Variants in SMC5 observed in about 807,000 individuals in gnomAD.
SMC5 encodes structural maintenance of chromosomes 5, also known as structural maintenance of chromosomes protein 5.
A neutral mutation model predicts 148.3 loss-of-function variants in SMC5; 88 were observed. That is an observed-to-expected ratio of 0.59 (90% CI 0.50 to 0.71). The LOEUF (loss-of-function observed/expected upper bound fraction) is 0.71, where lower values mean the gene tolerates loss of function less well. Ranked by LOEUF, SMC5 falls within the 30% of genes least tolerant of loss-of-function variation. The pLI is 0.00. For missense variants in SMC5, 1,142 were observed against 1,298.9 expected, an observed-to-expected ratio of 0.88 and a Z score of 1.86; for synonymous variants, 421 against 432.8, an observed-to-expected ratio of 0.97 and a Z score of 0.34.
chr9:70,300,013 G>T (rs757727059), intron 9 of SMC5, 33 bp from the exon 10 acceptor site: 78 of 1,522,048 alleles, frequency 5.1e-5, no homozygotes, highest in Non-Finnish European at 6.3e-5. Flanking sequence ...AATTTTCAGA[G>T]AAACAAGACT....
In SMC5 at chr9:70,267,910, T is replaced by C. The variant is rs766989069; in HGVS notation, c.328-13T>C. 1.9e-6 allele frequency: 3 copies of C among 1,606,440 alleles called. No individual in the cohort carries two copies. Among genetic ancestry groups the C allele is most frequent in the African/African-American group, 2.7e-5 (2 of 74,496 alleles). On this transcript the variant is annotated splice_polypyrimidine_tract_variant and intron_variant, in intron 2 of 24. Transcript: ENST00000361138. ...GTCACTACACAGCTCACTTTTTCTT[T>C]TTTATGTCTTAGGTTGGGTTTTTTG...
intron 8 of SMC5, among the ~76,000 whole-genome samples, chr9:70,290,781 A>G (rs2035036061): frequency 6.6e-6 from 1 of 152,214 alleles, no homozygotes; most frequent in Non-Finnish European, 1.5e-5. Flanking sequence ...ATTTAATTTT[A>G]CATAAACACA....
chr9:70,294,465 T>A (rs1179833538), intron 8 of SMC5, among the ~76,000 whole-genome samples: 1 of 152,064 alleles, frequency 6.6e-6, no homozygotes, highest in Non-Finnish European at 1.5e-5. Flanking sequence ...AGAAGAAAGG[T>A]CAAGGGATCT....
Position 70,282,438 on chromosome 9 carries a change from G to C in SMC5, c.836G>C (p.Arg279Pro). The change falls in exon 7 of 25, where the codon CGT (arginine) becomes CCT (proline). Residue 279 changes from arginine to proline, a missense_variant. Arg to Pro is a moderately radical substitution (Grantham distance 103, BLOSUM62 -2). Around this residue, in one of 5 missense-constraint regions of SMC5, gnomAD observed 743 missense variants for 835.7 expected, o/e 0.89. Coordinates refer to ENST00000361138, the MANE Select transcript of SMC5 (RefSeq NM_015110.4). Reference protein sequence around the residue: ...KRPWVEYENVRQEYEEVKLVR... With the variant: ...KRPWVEYENVPQEYEEVKLVR... ...ATTTGCAAGGAATATGAAAATGTTCGTCAGGAATATGAAGAAGTAAAACTA... is the reference window on the plus strand; with the variant it reads ...ATTTGCAAGGAATATGAAAATGTTCCTCAGGAATATGAAGAAGTAAAACTA... The C allele has an allele frequency of 6.3e-7, 1 of 1,591,634 alleles. No homozygotes were observed. The highest frequency in any genetic ancestry group is 8.5e-7 in the Non-Finnish European group (1 of 1,173,344).
intron 17 of SMC5, among the ~76,000 whole-genome samples, chr9:70,330,349 G>C (rs1322145529): frequency 2.0e-5 from 3 of 151,890 alleles, no homozygotes; most frequent in Non-Finnish European, 4.4e-5. Context: ...TTTGCCCCCT[G>C]GGGAGCAAAA....
At chr9:70,301,676 G>T (rs1380177301) in intron 10 of SMC5, among the ~76,000 whole-genome samples, 1 of 151,930 alleles carries the variant, frequency 6.6e-6, no homozygotes, top group Admixed American at 6.6e-5. Context: ...CAAAATGGTG[G>T]AGCAAAAAAA....
At position 70,324,139 on chromosome 9, in the gene SMC5, C is replaced by G; in HGVS notation, c.2393C>G (p.Thr798Arg). The G allele has an allele frequency of 6.3e-7, 1 of 1,583,782 alleles. No homozygotes were observed. The highest frequency in any genetic ancestry group is 8.5e-7 in the Non-Finnish European group (1 of 1,173,440). ...GCCGCATCTTCACAACTCCGTCTTA[C>G]AGAGGTAAAATTTTTGCCTTTACTT... ...YMAASSQLRL[T>R]EQHFIELDEN... The change falls in exon 17 of 25, where the codon ACA becomes AGA. Residue 798 changes from threonine to arginine, a missense_variant. Thr to Arg is a moderately conservative substitution (Grantham distance 71). This residue lies in a region of SMC5 where 743 missense variants were observed against 835.7 expected (regional missense o/e 0.89). Transcript: ENST00000361138.
chr9:70,313,943 G>A (rs1052712664), intron 11 of SMC5, among the ~76,000 whole-genome samples: 2 of 152,078 alleles, frequency 1.3e-5, no homozygotes, highest in African/African-American at 4.8e-5. Flanking sequence ...TCAAGCAATG[G>A]ACAGCAACTG....
chr9:70,279,293 A>C (rs1406592870), intron 5 of SMC5, among the ~76,000 whole-genome samples: 1 of 152,014 alleles, frequency 6.6e-6, no homozygotes, highest in Non-Finnish European at 1.5e-5. Context: ...ATTCGGGAGA[A>C]TCGCTTGAGT....
chr9:70,318,720 A>G (rs773101195), intron 14 of SMC5, 33 bp downstream of exon 14: 24 of 1,563,536 alleles, frequency 1.5e-5, no homozygotes, highest in Non-Finnish European at 2.0e-5. Flanking sequence ...TTAGAAAAGA[A>G]TATTAACTGG....
rs775460354 is a variant in SMC5 at position 70,267,958 on chromosome 9, C to T, written c.363C>T (p.Gly121=). ...GFFVKRGCSR[G]MVEIELFRAS... ...TTGTGAAGAGAGGATGTTCTAGAGG[C>T]ATGGTTGAAATTGAATTGTAAGTGT... The change falls in exon 3 of 25, where the codon GGC becomes GGT. Residue 121 remains glycine (G), a synonymous_variant. Transcript: ENST00000361138. The T allele has an allele frequency of 1.2e-6, 2 of 1,612,658 alleles. No individual in the cohort carries two copies. Among genetic ancestry groups the T allele is most frequent in the Non-Finnish European group, 1.7e-6 (2 of 1,179,578 alleles).
chr9:70,307,207 A>G (rs1439156231), intron 11 of SMC5, among the ~76,000 whole-genome samples: 2 of 152,204 alleles, frequency 1.3e-5, no homozygotes, highest in African/African-American at 4.8e-5. Context: ...AGCCTGGCCA[A>G]TGTGGTGAAA....
Position 70,259,519 on chromosome 9 carries a change from G to A in SMC5, c.185+256G>A, listed in dbSNP as rs2034031509. Reference sequence around the variant, plus strand: ...CAAGGTTTTCCAAAGGTGTCATGTAGCAGGTAGTGGTTGTAGGAGGGAGTA... The same window carrying A: ...CAAGGTTTTCCAAAGGTGTCATGTAACAGGTAGTGGTTGTAGGAGGGAGTA... On this transcript the variant is annotated intron_variant, in intron 1 of 24. Coordinates refer to ENST00000361138, the MANE Select transcript of SMC5 (RefSeq NM_015110.4). Among the ~76,000 whole-genome samples, 5 of 152,328 alleles carry A rather than the reference G, an allele frequency of 3.3e-5. No homozygotes were observed. In the South Asian group the frequency reaches 1.0e-3, roughly 32 times the overall value.
intron 8 of SMC5, among the ~76,000 whole-genome samples, chr9:70,295,464 C>G (rs1194590076): frequency 7.4e-6 from 1 of 135,792 alleles, no homozygotes; most frequent in Non-Finnish European, 1.6e-5. Flanking sequence ...GAGCGAGACC[C>G]TGTCTCAAAA....
intron 8 of SMC5, among the ~76,000 whole-genome samples, chr9:70,292,924 G>A (rs1009026143): frequency 6.6e-5 from 10 of 152,014 alleles, no homozygotes; most frequent in Non-Finnish European, 5.9e-5. Flanking sequence ...GGATTTTTGC[G>A]TCTGTATTCA....
chr9:70,334,062 A>G (rs1182550641), intron 17 of SMC5, among the ~76,000 whole-genome samples: 2 of 151,950 alleles, frequency 1.3e-5, no homozygotes, highest in Non-Finnish European at 2.9e-5. Flanking sequence ...ATAAAAGTAG[A>G]TATATATGGA....
At chr9:70,334,264 A>G (rs1315019262) in intron 17 of SMC5, among the ~76,000 whole-genome samples, 1 of 152,176 alleles carries the variant, frequency 6.6e-6, no homozygotes, top group Non-Finnish European at 1.5e-5. Context: ...ATCATATACA[A>G]ATGAGTCACA....
chr9:70,275,082 ACACT>A, intron 3 of SMC5, among the ~76,000 whole-genome samples: 1 of 152,244 alleles, frequency 6.6e-6, no homozygotes, highest in East Asian at 1.9e-4. Flanking sequence ...TTCTGTTGGA[ACACT>A]CAGTTTTTAA....
chr9:70,260,038 G>T (rs1003759406), intron 1 of SMC5, among the ~76,000 whole-genome samples: 2 of 151,186 alleles, frequency 1.3e-5, no homozygotes, highest in African/African-American at 2.4e-5. Flanking sequence ...TCCGCCTCTC[G>T]GTTTCAAGCG....
Sources: gnomAD v4.1 joint callset for allele counts (sites outside exome capture counted in the v4.1 genomes callset) on GRCh38, gnomAD v4.1.1 for gene constraint, gnomAD v4.1.1 regional missense constraint, MANE v1.5 for transcripts, NCBI Gene and HGNC (gene_info 2026-07-23, HGNC 2026-07-21) for gene names.